The following CCDC110 variants were observed in gnomAD, a reference collection of about 807,000 sequenced individuals.
The protein encoded by CCDC110 is coiled-coil domain-containing protein 110.
A neutral mutation model predicts 77.1 loss-of-function variants in CCDC110; 70 were observed. The observed-to-expected ratio is 0.91, with a 90% confidence interval of 0.75 to 1.11. The LOEUF (loss-of-function observed/expected upper bound fraction) is 1.11, where lower values mean the gene tolerates loss of function less well. Among genes scored for constraint, CCDC110 ranks in the 50% least tolerant of loss-of-function variants. The pLI, the probability that CCDC110 is intolerant of heterozygous loss-of-function variation, is 0.00. For missense variants in CCDC110, 868 were observed against 942.9 expected, an observed-to-expected ratio of 0.92 and a Z score of 1.04; for synonymous variants, 295 against 312.5, an observed-to-expected ratio of 0.94 and a Z score of 0.59.
chr4:185,470,998 G>A lies in CCDC110; in HGVS notation c.62C>T (p.Ser21Phe), dbSNP rs746860542. 9 of 1,608,094 alleles carry A rather than the reference G, an allele frequency of 5.6e-6. No individual in the cohort carries two copies. The South Asian group carries it at 9.9e-5, about 18-fold the overall frequency. Reference protein sequence around the residue: ...DEVDSVLLSASKILNSSEGVK... With the variant: ...DEVDSVLLSAFKILNSSEGVK... ...CCCCTCCGAAGAATTTAGGATCTTG[G>A]ACGCTGAAAGGAGAACGGAGTCAAC... is the stretch of plus-strand genomic sequence containing the variant. The change falls in exon 2 of 7, where the codon TCC becomes TTC. Residue 21 changes from serine (S) to phenylalanine (F), a missense_variant. Transcript: ENST00000307588.
chr4:185,467,345 T>C (rs1246426286), intron 2 of CCDC110, among the ~76,000 whole-genome samples: 1 of 152,238 alleles, frequency 6.6e-6, no homozygotes, highest in Non-Finnish European at 1.5e-5. Flanking sequence ...CTGCTACTTA[T>C]TCCCAAAGGA....
Position 185,459,950 on chromosome 4 carries a change from A to C in CCDC110, c.637T>G (p.Ser213Ala). 1 of 1,613,852 alleles carries C rather than the reference A, an allele frequency of 6.2e-7. No individual in the cohort carries two copies. Among genetic ancestry groups the C allele is most frequent in the Non-Finnish European group, 8.5e-7 (1 of 1,179,846 alleles). ...FLPTAPPNVM[S>A]QADTVILDKS... Reference sequence around the variant, plus strand: ...TCCAGAATTACTGTATCAGCTTGAGACATCACATTTGGAGGTGCAGTAGGT... The same window carrying C: ...TCCAGAATTACTGTATCAGCTTGAGCCATCACATTTGGAGGTGCAGTAGGT... The change falls in exon 6 of 7, where the codon TCT becomes GCT. Residue 213 changes from serine to alanine, a missense_variant. By Grantham distance (99) the Ser-to-Ala change is moderately conservative. Transcript: ENST00000307588.
chr4:185,445,638 A>G lies in CCDC110; in HGVS notation c.2462-96T>C, dbSNP rs548786628. On this transcript the variant is annotated intron_variant, in intron 6 of 6. Coordinates refer to ENST00000307588, the MANE Select transcript of CCDC110 (RefSeq NM_152775.4). ...ATTATCAAGGTATCTTAAAACTTCA[A>G]TTTTATCCAGGTTTTGCATACTCTC... The G allele has an allele frequency of 5.1e-6, 4 of 776,992 alleles. No individual in the cohort carries two copies. The East Asian group carries it at 8.0e-5, about 16-fold the overall frequency. 48.1% of individuals were successfully genotyped at this position (776,992 alleles called of 1,614,324 possible). A position where few individuals can be genotyped will look rare whatever the true frequency, so the allele number is the denominator to read the frequency against.
In CCDC110 at chr4:185,468,581, C is replaced by T. The variant is rs1054958563; in HGVS notation, c.115+2364G>A. 6.6e-6 allele frequency among the ~76,000 whole-genome samples: 1 copy of T among 152,160 alleles called. No individual in the cohort carries two copies. Among genetic ancestry groups the T allele is most frequent in the African/African-American group, 2.4e-5 (1 of 41,432 alleles). The stretch of plus-strand genomic sequence containing the variant: ...AACCGTTCCTCAATCACACCAGCCA[C>T]GCTCCCACCACAGGGTCTTTGCAGT... On this transcript the variant is annotated intron_variant, in intron 2 of 6. Coordinates refer to ENST00000307588, the MANE Select transcript of CCDC110 (RefSeq NM_152775.4). The surrounding 1 kb of genome is among the most constrained non-coding windows in gnomAD (Gnocchi z 4.5).
At position 185,461,131 on chromosome 4, in the gene CCDC110, T is replaced by C; in HGVS notation, c.266A>G (p.Asn89Ser). The C allele has an allele frequency of 6.3e-7, 1 of 1,587,038 alleles. No homozygotes were observed. Among genetic ancestry groups the C allele is most frequent in the South Asian group, 1.2e-5 (1 of 86,818 alleles). ...MVQSEISEIL[N>S]KSIIEVENPQ... ...GTTTTCTACTTCAATAATACTTTTGTTCAATATTTCACTGATTTCCGACTG... is the reference window on the plus strand; with the variant it reads ...GTTTTCTACTTCAATAATACTTTTGCTCAATATTTCACTGATTTCCGACTG... Residue 89 changes from asparagine to serine, a missense_variant, in exon 5 of 7, where the codon AAC (asparagine) becomes AGC (serine). By Grantham distance (46) the Asn-to-Ser change is conservative (BLOSUM62 1). Transcript: ENST00000307588.
chr4:185,452,071 C>T (rs1203939365), intron 6 of CCDC110: 5 of 332,532 alleles, frequency 1.5e-5, no homozygotes, highest in South Asian at 1.2e-4. Context: ...CACACACATT[C>T]GATCTGACAG....
chr4:185,466,921 G>A (rs557381705), intron 2 of CCDC110, among the ~76,000 whole-genome samples: 1 of 152,300 alleles, frequency 6.6e-6, no homozygotes, highest in East Asian at 1.9e-4. Context: ...GATTGATCAA[G>A]GACAATTCTT....
intron 1 of CCDC110, 50 bp downstream of exon 1, chr4:185,471,624 C>T: frequency 6.5e-7 from 1 of 1,547,502 alleles, no homozygotes; most frequent in Non-Finnish European, 8.7e-7. Flanking sequence ...CCTTCTGCTG[C>T]CCTCCGTTCC....
rs188416877 is a variant in CCDC110, at chr4:185,470,445, G to A, written c.115+500C>T. 2.0e-3 allele frequency: 707 copies of A among 345,982 alleles called. 1 individual carries two copies. Among genetic ancestry groups the A allele is most frequent in the African/African-American group, 0.014 (647 of 46,652 alleles). The allele number at this position is 345,982 out of a possible 1,614,324, so 21.4% of individuals were successfully genotyped here. ...ATTTGCATTTAAAAATTGTGGTACT[G>A]TTATTTTTAAAAATTTTCCCCCCTG... On this transcript the variant is annotated intron_variant, in intron 2 of 6. Coordinates refer to ENST00000307588, the MANE Select transcript of CCDC110 (RefSeq NM_152775.4).
intron 2 of CCDC110, among the ~76,000 whole-genome samples, chr4:185,464,790 A>G (rs553874650): frequency 6.6e-6 from 1 of 152,350 alleles, no homozygotes; most frequent in African/African-American, 2.4e-5. Flanking sequence ...CTTGAATTTA[A>G]GAGAATTTTT....
At chr4:185,453,749 C>G (rs1254580236) in intron 6 of CCDC110, among the ~76,000 whole-genome samples, 2 of 151,674 alleles carry the variant, frequency 1.3e-5, no homozygotes, top group African/African-American at 4.8e-5. Flanking sequence ...TCTCCCTATG[C>G]TGCCCACACT....
Position 185,466,241 on chromosome 4 carries a change from G to A in CCDC110, c.116-3192C>T, listed in dbSNP as rs866646659. On this transcript the variant is annotated intron_variant, in intron 2 of 6. Coordinates refer to ENST00000307588, the MANE Select transcript of CCDC110 (RefSeq NM_152775.4). ...ATACAAAAAATTTGCTGGGTGTGGT[G>A]GCATGTGCCTGTAATCCCAGCTACT... Among the ~76,000 whole-genome samples, 15 of 152,202 alleles carry A rather than the reference G, an allele frequency of 9.9e-5. No homozygotes were observed. In the South Asian group the frequency reaches 1.2e-3, roughly 13 times the overall value.
At chr4:185,449,577 G>GT in intron 6 of CCDC110, 1 of 1,492,624 alleles carries the variant, frequency 6.7e-7, no homozygotes, top group Non-Finnish European at 9.1e-7. Flanking sequence ...ATTAATGTGT[G>GT]TTTATTTTCC....
At position 185,459,735 on chromosome 4, in the gene CCDC110, G is replaced by C. The variant is rs1216958151; in HGVS notation, c.852C>G (p.Ser284=). Residue 284 remains serine (S), a synonymous_variant, in exon 6 of 7, where the codon TCC becomes TCG. Transcript: ENST00000307588. ...AGTTCATTTTATCCTGGTGAATAGGGGACATGTCATATTTACCATTCCTGT... is the reference window on the plus strand; with the variant it reads ...AGTTCATTTTATCCTGGTGAATAGGCGACATGTCATATTTACCATTCCTGT... ...DVHRNGKYDM[S]PIHQDKMNFI... 1 of 1,613,538 alleles carries C rather than the reference G, an allele frequency of 6.2e-7. No individual in the cohort carries two copies. Among genetic ancestry groups the C allele is most frequent in the Non-Finnish European group, 8.5e-7 (1 of 1,179,848 alleles).
In CCDC110 at chr4:185,461,170, T is replaced by A; in HGVS notation, c.238-11A>T. ...GATTTCCGACTGTACCTTTAAAAGA[T>A]AAATTGAGAAAAATTTGATTTCAGA... is the stretch of plus-strand genomic sequence containing the variant. On this transcript the variant is annotated splice_polypyrimidine_tract_variant and intron_variant, in intron 4 of 6. Transcript: ENST00000307588. 7.4e-7 allele frequency: 1 copy of A among 1,349,490 alleles called. No homozygotes were observed. Among genetic ancestry groups the A allele is most frequent in the Middle Eastern group, 1.8e-4 (1 of 5,458 alleles). The allele number at this position is 1,349,490 out of a possible 1,614,324, so 83.6% of individuals were successfully genotyped here. A position where few individuals can be genotyped will look rare whatever the true frequency, so the allele number is the denominator to read the frequency against.
Position 185,459,857 on chromosome 4 carries a change from A to G in CCDC110, c.730T>C (p.Ser244Pro). 1.2e-6 allele frequency: 2 copies of G among 1,613,322 alleles called. No homozygotes were observed. The highest frequency in any genetic ancestry group is 1.7e-6 in the Non-Finnish European group (2 of 1,179,776). The change falls in exon 6 of 7, where the codon TCT becomes CCT. Residue 244 changes from serine to proline, a missense_variant. Transcript: ENST00000307588. ...FCENLDDICH[S>P]IKQMKEELQK... ...AGCTCTTCTTTCATTTGTTTGATAG[A>G]ATGGCAAATGTCATCTAAATTTTCA...
At chr4:185,469,749 G>A (rs1053753560) in intron 2 of CCDC110, among the ~76,000 whole-genome samples, 1 of 152,192 alleles carries the variant, frequency 6.6e-6, no homozygotes, top group African/African-American at 2.4e-5. Context: ...TGGGCACCCG[G>A]GTGTCTTCTG....
At chr4:185,460,971 A>G (rs2095644995) in intron 5 of CCDC110, 78 bp downstream of exon 5, 1 of 352,004 alleles carries the variant, frequency 2.8e-6, no homozygotes, top group Admixed American at 2.8e-5. Context: ...AAAGAGGACC[A>G]TGTAAAGTGA....
chr4:185,455,921 T>A (rs1472513350), intron 6 of CCDC110, among the ~76,000 whole-genome samples: 1 of 151,918 alleles, frequency 6.6e-6, no homozygotes, highest in Non-Finnish European at 1.5e-5. Context: ...TAAAAGAGCT[T>A]TAAAACACAC....
Sources: allele counts gnomAD v4.1 joint callset (sites outside exome capture counted in the v4.1 genomes callset), GRCh38; gene constraint gnomAD v4.1.1; non-coding constraint Gnocchi (gnomAD v3.1); transcripts MANE v1.5; gene names NCBI Gene and HGNC (gene_info 2026-07-23, HGNC 2026-07-21).